POLR3B: variants seen among roughly 807,000 people sequenced by gnomAD.
The protein encoded by POLR3B is RNA polymerase III subunit B, also known as DNA-directed RNA polymerase III subunit RPC2.
A neutral mutation model predicts 147.4 loss-of-function variants in POLR3B; 96 were observed. The ratio of observed to expected loss-of-function variants is 0.65; its 90% CI spans 0.55 to 0.77. The LOEUF (loss-of-function observed/expected upper bound fraction) is 0.77. Ranked by LOEUF, POLR3B falls within the 30% of genes least tolerant of loss-of-function variation. The pLI is 0.00. For missense variants in POLR3B, 1,036 were observed against 1,413.5 expected (o/e 0.73, Z 4.28); for synonymous variants, 461 against 485.9 (o/e 0.95, Z 0.67).
chr12:106,364,907 G>T (rs1396868431), intron 2 of POLR3B, among the ~76,000 whole-genome samples: 1 of 152,102 alleles, frequency 6.6e-6, no homozygotes, highest in African/African-American at 2.4e-5. Flanking sequence ...AGGCTGAGGT[G>T]GGCGGATCAC....
Position 106,389,347 on chromosome 12 carries a change from A to G in POLR3B, c.724-3684A>G, listed in dbSNP as rs185504347. On this transcript the variant is annotated intron_variant, in intron 9 of 27. Coordinates refer to ENST00000228347, the MANE Select transcript of POLR3B (RefSeq NM_018082.6). Reference sequence around the variant, plus strand: ...TTGGCAGTAATCATGCTTTTTGCACATATGGTGTCATTTACCATGTGCTTG... The same window carrying G: ...TTGGCAGTAATCATGCTTTTTGCACGTATGGTGTCATTTACCATGTGCTTG... Among the ~76,000 whole-genome samples, 34 of 152,324 alleles carry G rather than the reference A, an allele frequency of 2.2e-4. No individual in the cohort carries two copies. In the South Asian group the frequency reaches 5.8e-3, roughly 26 times the overall value.
intron 1 of POLR3B, chr12:106,358,187 G>C (rs141219725): frequency 2.1e-6 from 3 of 1,429,976 alleles, no homozygotes; most frequent in Non-Finnish European, 9.1e-7. Context: ...GAGAAGCCCC[G>C]CTGCTGGCTC....
At chr12:106,484,192 G>A (rs1000072509) in intron 23 of POLR3B, among the ~76,000 whole-genome samples, 2 of 152,168 alleles carry the variant, frequency 1.3e-5, no homozygotes, top group Admixed American at 6.5e-5. Flanking sequence ...GAATGGACTT[G>A]ACTGACTGAA....
At chr12:106,431,463 A>G (rs1360297559) in intron 14 of POLR3B, among the ~76,000 whole-genome samples, 2 of 152,204 alleles carry the variant, frequency 1.3e-5, no homozygotes, top group Non-Finnish European at 2.9e-5. Flanking sequence ...ACCTGTCTTA[A>G]GTATTTTTTT....
At chr12:106,417,148 A>T (rs1448453627) in intron 12 of POLR3B, among the ~76,000 whole-genome samples, 1 of 152,190 alleles carries the variant, frequency 6.6e-6, no homozygotes, top group African/African-American at 2.4e-5. Flanking sequence ...GGAACCATTT[A>T]TATTCATCTC....
chr12:106,405,508 C>G (rs980597070), intron 10 of POLR3B, among the ~76,000 whole-genome samples: 1 of 149,226 alleles, frequency 6.7e-6, no homozygotes, highest in Non-Finnish European at 1.5e-5. Flanking sequence ...GTGGTTTTCT[C>G]TGGGTGAAGG....
chr12:106,414,221 TA>T (rs5800711), intron 12 of POLR3B, among the ~76,000 whole-genome samples: 2,749 of 121,064 alleles, frequency 0.023, 91 homozygotes, highest in African/African-American at 0.081. Flanking sequence ...GATACAAAAG[TA>T]AAAAAAAAAA....
chr12:106,490,422 A>G (rs971067348), intron 23 of POLR3B, among the ~76,000 whole-genome samples: 1 of 152,204 alleles, frequency 6.6e-6, no homozygotes, highest in Non-Finnish European at 1.5e-5. Flanking sequence ...TAAAAACTGT[A>G]TTGTCTTCTA....
chr12:106,461,324 A>T (rs942868253), intron 22 of POLR3B, among the ~76,000 whole-genome samples: 3 of 152,074 alleles, frequency 2.0e-5, no homozygotes, highest in African/African-American at 4.8e-5. Context: ...CGAACTCTTC[A>T]CCTCATGATC....
intron 10 of POLR3B, among the ~76,000 whole-genome samples, chr12:106,403,137 A>C (rs1267012456): frequency 1.8e-4 from 27 of 152,044 alleles, no homozygotes; most frequent in Admixed American, 1.4e-3. Flanking sequence ...ACCCCATCAA[A>C]AAGTGGGCAA....
chr12:106,496,661 G>A, intron 24 of POLR3B, 91 bp from the exon 25 acceptor site: 1 of 1,074,674 alleles, frequency 9.3e-7, no homozygotes, highest in South Asian at 1.3e-5. Context: ...GTTATTAATA[G>A]TGGTCGTGGG....
At chr12:106,431,368 G>C (rs892440743) in intron 14 of POLR3B, among the ~76,000 whole-genome samples, 3 of 152,160 alleles carry the variant, frequency 2.0e-5, no homozygotes, top group Admixed American at 6.5e-5. Flanking sequence ...CCCAGAGATT[G>C]CTTCAGCTAA....
At chr12:106,413,008 A>G (rs562260013) in intron 12 of POLR3B, among the ~76,000 whole-genome samples, 60 of 152,056 alleles carry the variant, frequency 3.9e-4, no homozygotes, top group Admixed American at 9.2e-4. Flanking sequence ...GAGTTGTAGG[A>G]GTTCTTGGTA....
At chr12:106,438,502 T>C (rs1016159871) in intron 18 of POLR3B, among the ~76,000 whole-genome samples, 18 of 140,134 alleles carry the variant, frequency 1.3e-4, no homozygotes, top group Admixed American at 9.2e-4. Flanking sequence ...CATATATATG[T>C]TTTTTTTTTT....
At chr12:106,400,276 A>G (rs1299392991) in intron 10 of POLR3B, among the ~76,000 whole-genome samples, 1 of 152,216 alleles carries the variant, frequency 6.6e-6, no homozygotes, top group Non-Finnish European at 1.5e-5. Flanking sequence ...TTCAACAAGA[A>G]GAGCTAACTA....
chr12:106,496,029 G>A, intron 23 of POLR3B, 26 bp from the exon 24 acceptor site: 1 of 1,353,722 alleles, frequency 7.4e-7, no homozygotes, highest in Non-Finnish European at 1.1e-6. Context: ...CTTGCTTTAT[G>A]TGGCATGAAA....
intron 12 of POLR3B, among the ~76,000 whole-genome samples, chr12:106,411,179 C>G (rs750741917): frequency 6.6e-6 from 1 of 151,952 alleles, no homozygotes; most frequent in Non-Finnish European, 1.5e-5. Context: ...GCTCTGGTTG[C>G]CCAGGCTGGA....
chr12:106,415,854 C>A (rs184738931), intron 12 of POLR3B, among the ~76,000 whole-genome samples: 2 of 152,148 alleles, frequency 1.3e-5, no homozygotes, highest in African/African-American at 4.8e-5. Context: ...CACCTCTGAC[C>A]CTCTTTTCCC....
intron 16 of POLR3B, among the ~76,000 whole-genome samples, chr12:106,434,765 G>A (rs1400191307): frequency 1.3e-5 from 2 of 152,162 alleles, no homozygotes; most frequent in Non-Finnish European, 2.9e-5. Context: ...GAGAGTGACT[G>A]CATGCTTTCT....
Sources: allele counts gnomAD v4.1 joint callset (sites outside exome capture counted in the v4.1 genomes callset), GRCh38; gene constraint gnomAD v4.1.1; transcripts MANE v1.5; gene names NCBI Gene and HGNC (gene_info 2026-07-23, HGNC 2026-07-21).